LARGE1: variants seen among roughly 807,000 people sequenced by gnomAD.
LARGE1 encodes LARGE xylosyl- and glucuronyltransferase 1, also known as xylosyl- and glucuronyltransferase LARGE1.
Under a neutral mutation model 87.6 loss-of-function variants are expected in LARGE1, and 43 were observed. The observed-to-expected ratio is 0.49, with a 90% CI of 0.38 to 0.63. The LOEUF (loss-of-function observed/expected upper bound fraction) is 0.63. LARGE1 is among the 30% of genes least tolerant of loss of function. The probability of loss-of-function intolerance (pLI) is 0.00; values close to 1 mark genes in which losing one functional copy is unlikely to be tolerated. For synonymous variants in LARGE1, 434 were observed against 394.6 expected, an observed-to-expected ratio of 1.10 and a Z score of -1.18; for missense variants, 802 against 1,000.2, an observed-to-expected ratio of 0.80 and a Z score of 2.67.
chr22:33,547,111 A>C (rs1010263499), intron 6 of LARGE1, among the ~76,000 whole-genome samples: 1 of 152,134 alleles, frequency 6.6e-6, no homozygotes, highest in African/African-American at 2.4e-5. Context: ...TCTTTTGTGA[A>C]GATGAAAGAA....
chr22:33,805,171 T>A (rs1301547753), intron 1 of LARGE1, among the ~76,000 whole-genome samples: 3 of 152,108 alleles, frequency 2.0e-5, no homozygotes, highest in African/African-American at 7.2e-5. Context: ...ATCCAATATC[T>A]CAGAAAATCC....
chr22:33,159,297 C>T (rs1243944256), downstream of LARGE1, among the ~76,000 whole-genome samples: 1 of 152,164 alleles, frequency 6.6e-6, no homozygotes, highest in African/African-American at 2.4e-5. Context: ...GTTGTATATA[C>T]TAATTTCAAT....
At chr22:33,766,844 T>C (rs1241552782) in intron 1 of LARGE1, among the ~76,000 whole-genome samples, 2 of 148,476 alleles carry the variant, frequency 1.3e-5, no homozygotes, top group Non-Finnish European at 1.5e-5. Context: ...TATATACCTA[T>C]ATAAGAAAAA....
chr22:33,434,648 A>G (rs2067200192), intron 6 of LARGE1, among the ~76,000 whole-genome samples: 1 of 152,190 alleles, frequency 6.6e-6, no homozygotes, highest in South Asian at 2.1e-4. Context: ...ATTTCAGGTA[A>G]GGTCATCTTC....
At chr22:33,849,589 TC>T (rs2063526431) in intron 1 of LARGE1, among the ~76,000 whole-genome samples, 4 of 128,074 alleles carry the variant, frequency 3.1e-5, no homozygotes, top group African/African-American at 6.5e-5. Context: ...TTTCTTTTCT[TC>T]TCTTTTTTTT....
chr22:33,741,562 G>C (rs2083882475), intron 2 of LARGE1, among the ~76,000 whole-genome samples: 1 of 152,234 alleles, frequency 6.6e-6, no homozygotes, highest in Admixed American at 6.5e-5. Flanking sequence ...CAGAAATGCG[G>C]AGCCAACAAC....
chr22:33,697,312 G>A (rs1185702803), intron 2 of LARGE1, among the ~76,000 whole-genome samples: 1 of 152,032 alleles, frequency 6.6e-6, no homozygotes, highest in East Asian at 1.9e-4. Flanking sequence ...CCACCCCATG[G>A]CTTCTTAACC....
intron 11 of LARGE1, among the ~76,000 whole-genome samples, chr22:33,261,758 GT>G (rs757563883): frequency 6.6e-6 from 1 of 152,198 alleles, no homozygotes; most frequent in Non-Finnish European, 1.5e-5. Context: ...CTGCTAATGA[GT>G]TTAGAAAATA....
chr22:33,342,775 T>C (rs1007055512), intron 9 of LARGE1, among the ~76,000 whole-genome samples: 1 of 152,110 alleles, frequency 6.6e-6, no homozygotes, highest in African/African-American at 2.4e-5. Context: ...GTGCTGGTGT[T>C]ACATAAGAAG....
intron 1 of LARGE1, among the ~76,000 whole-genome samples, chr22:33,886,675 G>A (rs3072361): frequency 0.49 from 31,533 of 63,852 alleles, 6,981 homozygotes; most frequent in East Asian, 0.56. Flanking sequence ...AAAAAAAAAA[G>A]AAAAAAAAAG....
intron 6 of LARGE1, among the ~76,000 whole-genome samples, chr22:33,470,576 T>C (rs2068788577): frequency 6.6e-6 from 1 of 152,232 alleles, no homozygotes; most frequent in Non-Finnish European, 1.5e-5. Context: ...CCTGGTCTCT[T>C]AACTGAAGCC....
intron 6 of LARGE1, among the ~76,000 whole-genome samples, chr22:33,552,599 G>T (rs946802775): frequency 2.0e-5 from 3 of 152,150 alleles, no homozygotes; most frequent in Admixed American, 6.5e-5. Flanking sequence ...TTAGTCTACA[G>T]TCCTACTCGC....
chr22:33,643,675 TAAA>T (rs2080514355), intron 3 of LARGE1, among the ~76,000 whole-genome samples: 1 of 151,720 alleles, frequency 6.6e-6, no homozygotes, highest in Non-Finnish European at 1.5e-5. Flanking sequence ...GCTAGACTAA[TAAA>T]GAAGAAAAAG....
At chr22:33,281,200 T>G (rs1483036712) in intron 13 of LARGE1, among the ~76,000 whole-genome samples, 1 of 152,122 alleles carries the variant, frequency 6.6e-6, no homozygotes, top group East Asian at 1.9e-4. Context: ...CCAGCTCTTG[T>G]GGCCACAAAT....
chr22:33,834,182 G>A (rs911342873), intron 1 of LARGE1, among the ~76,000 whole-genome samples: 1 of 152,096 alleles, frequency 6.6e-6, no homozygotes, highest in African/African-American at 2.4e-5. Context: ...TAAGGGCTAA[G>A]GATACTACAG....
At chr22:33,291,725 A>AT (rs202125341) in intron 12 of LARGE1, among the ~76,000 whole-genome samples, 3,068 of 150,494 alleles carry the variant, frequency 0.02, 95 homozygotes, top group African/African-American at 0.071. Flanking sequence ...GTTTGGTCCC[A>AT]TTTTTTTTGC....
At chr22:33,629,830 G>T (rs926083581) in intron 3 of LARGE1, among the ~76,000 whole-genome samples, 2 of 152,060 alleles carry the variant, frequency 1.3e-5, no homozygotes, top group Admixed American at 6.5e-5. Context: ...CACTTTGGGA[G>T]GCCAAGGTGG....
At chr22:33,454,327 T>C (rs914773020) in intron 6 of LARGE1, among the ~76,000 whole-genome samples, 19 of 151,840 alleles carry the variant, frequency 1.3e-4, no homozygotes, top group Admixed American at 6.6e-5. Context: ...ATAAGAAAAG[T>C]AGTTGAGTTA....
intron 2 of LARGE1, among the ~76,000 whole-genome samples, chr22:33,681,919 C>A (rs1479157399): frequency 6.6e-6 from 1 of 152,224 alleles, no homozygotes; most frequent in Non-Finnish European, 1.5e-5. Flanking sequence ...GTACCCACTA[C>A]CTTAACTGCC....
Sources: allele counts gnomAD v4.1 joint callset (sites outside exome capture counted in the v4.1 genomes callset), GRCh38; gene constraint gnomAD v4.1.1; transcripts MANE v1.5; gene names NCBI Gene and HGNC (gene_info 2026-07-23, HGNC 2026-07-21).